Variants in DLC1 observed in about 807,000 individuals in gnomAD.
DLC1 encodes the protein DLC1 Rho GTPase activating protein, also known as rho GTPase-activating protein 7.
Under a neutral mutation model 140.3 loss-of-function variants are expected in DLC1, and 54 were observed. The observed-to-expected ratio is 0.38, with a 90% CI of 0.31 to 0.48. The LOEUF (loss-of-function observed/expected upper bound fraction) is 0.48. DLC1 is among the 20% of genes least tolerant of loss of function. The probability of loss-of-function intolerance (pLI) is 0.96; values close to 1 mark genes in which losing one functional copy is unlikely to be tolerated. For synonymous variants in DLC1, 986 were observed against 728.1 expected (o/e 1.35, Z -5.70); for missense variants, 2,536 against 1,907.0 (o/e 1.33, Z -6.14).
At chr8:13,442,442 T>C (rs1161470654) in intron 2 of DLC1, among the ~76,000 whole-genome samples, 4 of 152,172 alleles carry the variant, frequency 2.6e-5, no homozygotes, top group African/African-American at 9.7e-5. Flanking sequence ...AGAAAATTTT[T>C]GCAATCTACT....
chr8:13,183,280 C>G (rs1337415903), intron 5 of DLC1, among the ~76,000 whole-genome samples: 1 of 152,156 alleles, frequency 6.6e-6, no homozygotes, highest in Non-Finnish European at 1.5e-5. Flanking sequence ...ATTTGACTTC[C>G]TCATTCCCTA....
intron 2 of DLC1, among the ~76,000 whole-genome samples, chr8:13,436,608 A>G (rs1174105599): frequency 1.3e-5 from 2 of 152,158 alleles, no homozygotes; most frequent in Non-Finnish European, 2.9e-5. Context: ...TATTTTTTTA[A>G]GCAGCATTTT....
chr8:13,180,250 T>G (rs1022786845), intron 5 of DLC1, among the ~76,000 whole-genome samples: 11 of 152,222 alleles, frequency 7.2e-5, no homozygotes, highest in African/African-American at 2.4e-4. Flanking sequence ...GTTAAAGCAT[T>G]TACTCCATTA....
At chr8:13,594,521 T>C (rs548309887) in intron 1 of DLC1, among the ~76,000 whole-genome samples, 2 of 152,264 alleles carry the variant, frequency 1.3e-5, no homozygotes, top group African/African-American at 4.8e-5. Flanking sequence ...ACCACAAGTC[T>C]GGGCTTTGTA....
intron 1 of DLC1, chr8:13,559,161 AT>A (rs1804157036): frequency 6.6e-6 from 1 of 152,216 alleles, no homozygotes; most frequent in South Asian, 2.1e-4. Flanking sequence ...TCAGTGCGAT[AT>A]AAAGGAAGTG....
rs574868348 is a variant in DLC1 at position 13,181,267 on chromosome 8, G to C, written c.1349-65610C>G. Reference sequence around the variant, plus strand: ...CAGCAAGCACATGGCTGCTGCCTCAGCCTTCACATCTTTACTCAATTGTCA... The same window carrying C: ...CAGCAAGCACATGGCTGCTGCCTCACCCTTCACATCTTTACTCAATTGTCA... On this transcript the variant is annotated intron_variant, in intron 5 of 17. Transcript: ENST00000276297. Among the ~76,000 whole-genome samples the C allele has an allele frequency of 2.7e-5, 4 of 150,402 alleles. No individual in the cohort carries two copies. In the South Asian group the frequency reaches 8.4e-4, roughly 32 times the overall value.
intron 4 of DLC1, among the ~76,000 whole-genome samples, chr8:13,369,128 C>T (rs140269772): frequency 3.0e-4 from 45 of 152,198 alleles, no homozygotes; most frequent in Admixed American, 7.2e-4. Flanking sequence ...TATGATTACA[C>T]GGTTCACCTT....
intron 5 of DLC1, among the ~76,000 whole-genome samples, chr8:13,182,954 T>C (rs1042656724): frequency 5.3e-5 from 8 of 152,358 alleles, no homozygotes; most frequent in Middle Eastern, 6.8e-3. Flanking sequence ...TCCATGAGCA[T>C]GGAATATTCT....
At chr8:13,333,918 A>G (rs902197600) in intron 4 of DLC1, among the ~76,000 whole-genome samples, 1 of 152,200 alleles carries the variant, frequency 6.6e-6, no homozygotes, top group Non-Finnish European at 1.5e-5. Context: ...GACACCTTAT[A>G]CATACTGGGA....
chr8:13,307,925 T>C (rs1832518294), intron 4 of DLC1, among the ~76,000 whole-genome samples: 1 of 152,182 alleles, frequency 6.6e-6, no homozygotes, highest in Non-Finnish European at 1.5e-5. Flanking sequence ...TTTGGATTGG[T>C]CTTATGATAA....
intron 4 of DLC1, among the ~76,000 whole-genome samples, chr8:13,325,693 C>A (rs1369645500): frequency 6.6e-6 from 1 of 152,120 alleles, no homozygotes; most frequent in African/African-American, 2.4e-5. Flanking sequence ...GAATAAAGAA[C>A]GTTCGGCATT....
rs1432730574 is a variant in DLC1, at chr8:13,085,184, T to C, written c.*627A>G. The C allele has an allele frequency of 6.6e-6, 1 of 152,388 alleles. No homozygotes were observed. Among genetic ancestry groups the C allele is most frequent in the Non-Finnish European group, 1.5e-5 (1 of 68,040 alleles). 9.4% of individuals were successfully genotyped at this position (152,388 alleles called of 1,614,324 possible). On this transcript the variant is annotated 3_prime_UTR_variant, in exon 18 of 18. Transcript: ENST00000276297. ...AACTTCGAAAAAAAATACCCATAAA[T>C]GGACAAGGGTGTTGGGCCCCCTTTC...
intron 1 of DLC1, among the ~76,000 whole-genome samples, chr8:13,550,559 C>T (rs763136135): frequency 1.8e-4 from 28 of 152,044 alleles, no homozygotes; most frequent in Middle Eastern, 3.4e-3. Flanking sequence ...GAAATATATA[C>T]GGAGGCATAT....
intron 2 of DLC1, among the ~76,000 whole-genome samples, chr8:13,481,335 G>A: frequency 6.6e-6 from 1 of 152,130 alleles, no homozygotes; most frequent in East Asian, 1.9e-4. Flanking sequence ...ACTTAGGTGG[G>A]AGAATCACCT....
chr8:13,134,993 T>G (rs1030725047), intron 5 of DLC1, among the ~76,000 whole-genome samples: 1 of 152,022 alleles, frequency 6.6e-6, no homozygotes, highest in Non-Finnish European at 1.5e-5. Context: ...AGCGGTGCTG[T>G]GAGGGCCCAG....
At chr8:13,205,710 C>G (rs1827628099) in intron 5 of DLC1, among the ~76,000 whole-genome samples, 1 of 152,166 alleles carries the variant, frequency 6.6e-6, no homozygotes, top group African/African-American at 2.4e-5. Flanking sequence ...ATGTAGTCCA[C>G]AGGCCGTGGG....
chr8:13,408,893 A>T lies in DLC1; in HGVS notation c.1024-7274T>A, dbSNP rs940043922. Among the ~76,000 whole-genome samples the T allele has an allele frequency of 2.3e-4, 35 of 152,312 alleles. 1 individual carries two copies. The highest frequency in any genetic ancestry group is 7.7e-4 in the African/African-American group (32 of 41,580). ...GTTTGAAAACATAAGAAAAATATCT[A>T]TTTAACACTGAAATTCCATAAATTG... On this transcript the variant is annotated intron_variant, in intron 2 of 17. Transcript: ENST00000276297.
intron 5 of DLC1, among the ~76,000 whole-genome samples, chr8:13,251,984 G>C (rs1224829452): frequency 2.0e-5 from 3 of 152,120 alleles, no homozygotes; most frequent in Non-Finnish European, 2.9e-5. Flanking sequence ...ATTTTACTAA[G>C]CTTTAGTGAT....
chr8:13,413,256 A>AGTTTTTTTTTTTTTTT (rs1491415150), intron 2 of DLC1, among the ~76,000 whole-genome samples: 3 of 82,006 alleles, frequency 3.7e-5, no homozygotes, highest in African/African-American at 5.0e-5. Context: ...TTTTTTTGCG[A>AGTTTTTTTTTTTTTTT]TTTTTTTTTT....
Sources: allele counts gnomAD v4.1 joint callset (sites outside exome capture counted in the v4.1 genomes callset), GRCh38; gene constraint gnomAD v4.1.1; transcripts MANE v1.5; gene names NCBI Gene and HGNC (gene_info 2026-07-23, HGNC 2026-07-21).